Variants in SUCLG2 observed in about 807,000 individuals in gnomAD.
SUCLG2 encodes succinate-CoA ligase GDP-forming subunit beta.
In SUCLG2, 42 loss-of-function variants were observed where a neutral mutation model predicts 47.9. The observed-to-expected ratio is 0.88, with a 90% CI of 0.69 to 1.14. The LOEUF (loss-of-function observed/expected upper bound fraction) is 1.14. Among genes scored for constraint, SUCLG2 ranks in the 50% most tolerant of loss-of-function variants. The pLI, the probability that SUCLG2 is intolerant of heterozygous loss-of-function variation, is 0.00. For synonymous variants in SUCLG2, 195 were observed against 197.3 expected (o/e 0.99, Z 0.10); for missense variants, 571 against 525.9 (o/e 1.09, Z -0.84).
At chr3:67,437,371 C>A (rs1249265648) in intron 9 of SUCLG2, among the ~76,000 whole-genome samples, 1 of 152,092 alleles carries the variant, frequency 6.6e-6, no homozygotes, top group East Asian at 1.9e-4. Flanking sequence ...CTTCTGGCAT[C>A]AAAAATGCTG....
intron 9 of SUCLG2, among the ~76,000 whole-genome samples, chr3:67,495,279 T>C (rs949497113): frequency 4.6e-5 from 7 of 152,216 alleles, no homozygotes; most frequent in Non-Finnish European, 2.9e-5. Context: ...CTCTCAGGAC[T>C]GTACACACAA....
chr3:67,499,018 G>A (rs1705424354), intron 7 of SUCLG2, among the ~76,000 whole-genome samples: 1 of 152,160 alleles, frequency 6.6e-6, no homozygotes, highest in East Asian at 1.9e-4. Flanking sequence ...TGTGCAATAT[G>A]AACGAAGTTT....
intron 2 of SUCLG2, among the ~76,000 whole-genome samples, chr3:67,589,824 T>TCC (rs1708112227): frequency 6.6e-6 from 1 of 152,090 alleles, no homozygotes; most frequent in Admixed American, 6.5e-5. Context: ...GGGGAGGTAA[T>TCC]CCCTAATCCC....
chr3:67,599,637 C>T (rs1273688841), intron 2 of SUCLG2, among the ~76,000 whole-genome samples: 1 of 151,898 alleles, frequency 6.6e-6, no homozygotes, highest in Non-Finnish European at 1.5e-5. Flanking sequence ...CTGTTATTTT[C>T]CCCCTGTTAT....
chr3:67,508,684 C>T lies in SUCLG2; in HGVS notation c.757+123G>A. The stretch of plus-strand genomic sequence containing the variant: ...ATCATGGGAGCATTTCAAACTATGG[C>T]AGAAATTAAATTACTGAAAGAAATT... On this transcript the variant is annotated intron_variant, in intron 7 of 10. Coordinates refer to ENST00000307227, the MANE Select transcript of SUCLG2 (RefSeq NM_003848.4). 5.4e-6 allele frequency: 4 copies of T among 744,568 alleles called. No homozygotes were observed. In the South Asian group the frequency reaches 8.1e-5, roughly 15 times the overall value. 46.1% of individuals were successfully genotyped at this position (744,568 alleles called of 1,614,324 possible). A position where few individuals can be genotyped will look rare whatever the true frequency, so the allele number is the denominator to read the frequency against.
At chr3:67,482,344 T>C (rs2107019515) in intron 9 of SUCLG2, among the ~76,000 whole-genome samples, 1 of 152,334 alleles carries the variant, frequency 6.6e-6, no homozygotes. Flanking sequence ...ATTTAAGGTA[T>C]TTCACACTGT....
At chr3:67,504,370 G>A (rs959987960) in intron 7 of SUCLG2, among the ~76,000 whole-genome samples, 11 of 152,104 alleles carry the variant, frequency 7.2e-5, no homozygotes, top group South Asian at 2.1e-4. Flanking sequence ...AAGAAGCAAC[G>A]GGGTGGTTAT....
intron 2 of SUCLG2, among the ~76,000 whole-genome samples, chr3:67,567,551 T>A (rs534740143): frequency 6.6e-6 from 1 of 152,276 alleles, no homozygotes; most frequent in African/African-American, 2.4e-5. Flanking sequence ...AGTGCTGGGA[T>A]TATAGGCATA....
intron 9 of SUCLG2, among the ~76,000 whole-genome samples, chr3:67,488,473 T>C (rs1471286705): frequency 3.3e-5 from 5 of 152,202 alleles, no homozygotes; most frequent in African/African-American, 1.2e-4. Flanking sequence ...AGGAAAGGAA[T>C]CAGTCCAAAG....
intron 1 of SUCLG2, among the ~76,000 whole-genome samples, chr3:67,627,365 G>C (rs540681356): frequency 1.3e-5 from 2 of 152,312 alleles, no homozygotes; most frequent in East Asian, 3.9e-4. Flanking sequence ...AATTGGAGCT[G>C]TTGCACATCT....
chr3:67,495,691 C>A, intron 9 of SUCLG2, 107 bp downstream of exon 9: 1 of 1,260,178 alleles, frequency 7.9e-7, no homozygotes, highest in Non-Finnish European at 1.1e-6. Context: ...TCTGGGGCTG[C>A]AGAGTACACA....
intron 1 of SUCLG2, among the ~76,000 whole-genome samples, chr3:67,626,963 G>A (rs1020131320): frequency 2.7e-5 from 4 of 148,842 alleles, no homozygotes; most frequent in Non-Finnish European, 5.9e-5. Context: ...AGACGTGAGA[G>A]GACAGTATAT....
intron 2 of SUCLG2, among the ~76,000 whole-genome samples, chr3:67,568,489 T>G (rs1707525513): frequency 1.3e-5 from 2 of 152,184 alleles, no homozygotes; most frequent in Non-Finnish European, 2.9e-5. Flanking sequence ...TAAAGAAAAC[T>G]TAAGTGGCAT....
intron 9 of SUCLG2, among the ~76,000 whole-genome samples, chr3:67,482,642 C>G (rs115082849): frequency 0.013 from 2,000 of 152,244 alleles, 50 homozygotes; most frequent in African/African-American, 0.046. Context: ...TTATAAAACA[C>G]AGAAAATATC....
intron 10 of SUCLG2, among the ~76,000 whole-genome samples, chr3:67,398,375 C>T (rs1319538995): frequency 6.6e-6 from 1 of 151,486 alleles, no homozygotes; most frequent in African/African-American, 2.4e-5. Flanking sequence ...TGAACAGACA[C>T]TTCTCAAAAG....
In SUCLG2 at chr3:67,528,145, A is replaced by G. The variant is rs534932188; in HGVS notation, c.404T>C (p.Val135Ala). The change falls in exon 4 of 11, where the codon GTG becomes GCG. Residue 135 changes from valine (V) to alanine (A), a missense_variant. Physicochemically the swap from Val to Ala is moderately conservative, Grantham distance 64. Coordinates refer to ENST00000307227, the MANE Select transcript of SUCLG2 (RefSeq NM_003848.4). ...LATKQTPKEG[V>A]KVNKVMVAEA... ...TATCCATATTACCTTGTTAACTTTC[A>G]CACCTTCTTTTGGAGTTTGTTTTGT... The G allele has an allele frequency of 1.9e-6, 3 of 1,613,780 alleles. No homozygotes were observed. In the East Asian group the frequency reaches 6.7e-5, roughly 36 times the overall value.
Position 67,444,143 on chromosome 3 carries a change from G to A in SUCLG2, c.1063-43292C>T, listed in dbSNP as rs1248170030. On this transcript the variant is annotated intron_variant, in intron 9 of 10. Transcript: ENST00000307227. ...AGCCCCCCGCCTGGCCAGCCGTGCC[G>A]TCCGGGAGGGAGGTGGGGGAGTCAG... Among the ~76,000 whole-genome samples the A allele has an allele frequency of 2.6e-4, 14 of 53,364 alleles. 1 individual carries two copies. Among genetic ancestry groups the A allele is most frequent in the Admixed American group, 1.7e-3 (7 of 4,006 alleles). The allele number at this position is 53,364 out of a possible 152,430, so 35.0% of individuals were successfully genotyped here. A position where few individuals can be genotyped will look rare whatever the true frequency, so the allele number is the denominator to read the frequency against.
chr3:67,528,262 T>C (rs1194886887), intron 3 of SUCLG2, 40 bp from the exon 4 acceptor site: 1 of 1,577,240 alleles, frequency 6.3e-7, no homozygotes, highest in South Asian at 1.1e-5. Flanking sequence ...GAATGTTTGT[T>C]GAAAATCATT....
At chr3:67,531,642 C>T (rs561695070) in intron 2 of SUCLG2, among the ~76,000 whole-genome samples, 5 of 152,266 alleles carry the variant, frequency 3.3e-5, no homozygotes, top group South Asian at 2.1e-4. Context: ...CAACAACCTA[C>T]GCACATCTGC....
Sources: allele counts gnomAD v4.1 joint callset (sites outside exome capture counted in the v4.1 genomes callset), GRCh38; gene constraint gnomAD v4.1.1; transcripts MANE v1.5; gene names NCBI Gene and HGNC (gene_info 2026-07-23, HGNC 2026-07-21).